SAMD4B: variants seen among roughly 807,000 people sequenced by gnomAD.
The protein encoded by SAMD4B is protein Smaug homolog 2.
A neutral mutation model predicts 74.5 loss-of-function variants in SAMD4B; 5 were observed. That is an observed-to-expected ratio of 0.07 (90% CI 0.04 to 0.14). The LOEUF (loss-of-function observed/expected upper bound fraction) is 0.14, where lower values mean the gene tolerates loss of function less well. SAMD4B is among the 10% of genes least tolerant of loss of function. SAMD4B has a pLI of 1.00. For synonymous variants in SAMD4B, 373 were observed against 374.9 expected (o/e 1.00, Z 0.06); for missense variants, 608 against 921.8 (o/e 0.66, Z 4.41).
At chr19:39,389,257 C>A (rs768337039), downstream of SAMD4B, 1 of 1,609,816 alleles carries the variant, frequency 6.2e-7, no homozygotes, top group Non-Finnish European at 8.5e-7. The surrounding 1 kb of genome is among the most constrained non-coding windows in gnomAD (Gnocchi z 5.3). Flanking sequence ...TCTCCACCTT[C>A]CCTCTCTTCC....
intron 1 of SAMD4B, among the ~76,000 whole-genome samples, chr19:39,353,713 T>C (rs1192718790): frequency 6.6e-6 from 1 of 152,190 alleles, no homozygotes; most frequent in Non-Finnish European, 1.5e-5. Context: ...GCGTTTCTCC[T>C]GCCTCAGCTT....
At chr19:39,343,480 G>A (rs1372701121) in intron 1 of SAMD4B, among the ~76,000 whole-genome samples, 1 of 93,048 alleles carries the variant, frequency 1.1e-5, no homozygotes, top group African/African-American at 4.5e-5. Context: ...CCTCCCCACC[G>A]TATTGCAACC....
intron 3 of SAMD4B, among the ~76,000 whole-genome samples, chr19:39,367,507 CTTTTTTTT>C (rs572713498): frequency 9.0e-6 from 1 of 110,806 alleles, no homozygotes; most frequent in East Asian, 2.4e-4. Flanking sequence ...TTTTCTTTTT[CTTTTTTTT>C]TTTTTTTTTT....
At chr19:39,382,543 G>A (rs1244588185) in intron 12 of SAMD4B, among the ~76,000 whole-genome samples, 3 of 152,154 alleles carry the variant, frequency 2.0e-5, no homozygotes, top group Admixed American at 1.3e-4. Flanking sequence ...GAGCTGGGTC[G>A]TCTAAATCCA....
intron 4 of SAMD4B, among the ~76,000 whole-genome samples, chr19:39,372,769 G>A (rs747471230): frequency 2.0e-5 from 3 of 152,066 alleles, no homozygotes; most frequent in Non-Finnish European, 2.9e-5. Context: ...GGCTGAGAAG[G>A]GAGAAAGAAG....
At chr19:39,361,564 C>T (rs981996096) in intron 3 of SAMD4B, among the ~76,000 whole-genome samples, 6 of 145,028 alleles carry the variant, frequency 4.1e-5, no homozygotes, top group African/African-American at 1.5e-4. Context: ...TGCAGTGAGC[C>T]GAGATTGCGC....
chr19:39,375,242 C>T lies in SAMD4B; in HGVS notation c.668-408C>T, dbSNP rs1178610436. Among the ~76,000 whole-genome samples the T allele has an allele frequency of 1.3e-5, 2 of 152,160 alleles. No homozygotes were observed. Among genetic ancestry groups the T allele is most frequent in the Admixed American group, 6.5e-5 (1 of 15,278 alleles). On this transcript the variant is annotated intron_variant, in intron 4 of 13. Transcript: ENST00000610417. The surrounding 1 kb of genome is among the most constrained non-coding windows in gnomAD (Gnocchi z 4.1). ...TGTGGAAGCATTTGTATTTTGTTCC[C>T]ACTATGAAAGGAAGTCACAGGGATT...
At chr19:39,365,962 A>G (rs1430720639) in intron 3 of SAMD4B, among the ~76,000 whole-genome samples, 7 of 152,086 alleles carry the variant, frequency 4.6e-5, no homozygotes, top group Non-Finnish European at 8.8e-5. Context: ...GCACTTTGGG[A>G]GGCTGAGGTG....
chr19:39,380,194 A>C lies in SAMD4B; in HGVS notation c.1649+110A>C, dbSNP rs115258904. On this transcript the variant is annotated intron_variant, in intron 10 of 13. Transcript: ENST00000610417. ...CTGGGCTGAGAATCTAGTTTTATTCAGTCACTGGGCGACTTTCCCAGAAGA... is the reference window on the plus strand; with the variant it reads ...CTGGGCTGAGAATCTAGTTTTATTCCGTCACTGGGCGACTTTCCCAGAAGA... The C allele has an allele frequency of 4.3e-3, 3,558 of 818,972 alleles. 98 individuals are homozygous for C. In the African/African-American group the frequency reaches 0.055, roughly 13 times the overall value. The allele number at this position is 818,972 out of a possible 1,614,324, so 50.7% of individuals were successfully genotyped here. A position where few individuals can be genotyped will look rare whatever the true frequency, so the allele number is the denominator to read the frequency against.
chr19:39,383,897 C>G lies in SAMD4B; in HGVS notation c.*370C>G. On this transcript the variant is annotated 3_prime_UTR_variant, in exon 14 of 14. Coordinates refer to ENST00000610417, the MANE Select transcript of SAMD4B (RefSeq NM_001384574.2). The surrounding 1 kb of genome is among the most constrained non-coding windows in gnomAD (Gnocchi z 4.1). ...AGGGAGCAGACTCCCCAGAGACAAA[C>G]TGACCACTACCTTGTGGAGCCTGCT... The G allele has an allele frequency of 1.6e-6, 1 of 607,600 alleles. No homozygotes were observed. Among genetic ancestry groups the G allele is most frequent in the Non-Finnish European group, 2.9e-6 (1 of 344,348 alleles). The allele number at this position is 607,600 out of a possible 1,614,324, so 37.6% of individuals were successfully genotyped here.
chr19:39,376,867 G>A (rs942996487), intron 7 of SAMD4B, 76 bp downstream of exon 7: 58 of 1,284,292 alleles, frequency 4.5e-5, no homozygotes, highest in Non-Finnish European at 5.6e-5. Flanking sequence ...CCCTGAGTTG[G>A]CCTCCAGACT....
At chr19:39,358,914 C>T (rs2076490562) in intron 3 of SAMD4B, among the ~76,000 whole-genome samples, 3 of 152,182 alleles carry the variant, frequency 2.0e-5, no homozygotes, top group Non-Finnish European at 2.9e-5. Flanking sequence ...AACAGTCACC[C>T]TTATTTTACT....
chr19:39,348,886 G>A (rs2075855068), intron 1 of SAMD4B, among the ~76,000 whole-genome samples: 1 of 152,176 alleles, frequency 6.6e-6, no homozygotes, highest in Non-Finnish European at 1.5e-5. Context: ...ATTAGAGAAA[G>A]AGAGGAATCT....
chr19:39,347,332 A>G (rs551836384), intron 1 of SAMD4B, among the ~76,000 whole-genome samples: 1 of 152,338 alleles, frequency 6.6e-6, no homozygotes, highest in South Asian at 2.1e-4. Flanking sequence ...TTCCTTGAAT[A>G]GATGTGAGAT....
At chr19:39,343,155 C>T (rs2075429067) in intron 1 of SAMD4B, among the ~76,000 whole-genome samples, 1 of 151,950 alleles carries the variant, frequency 6.6e-6, no homozygotes, top group Non-Finnish European at 1.5e-5. Flanking sequence ...AAGGCTCCCT[C>T]CGGACCCCTG....
chr19:39,381,322 T>C, intron 12 of SAMD4B: 1 of 542,760 alleles, frequency 1.8e-6, no homozygotes, highest in Non-Finnish European at 3.2e-6. Context: ...CCCCCACCCC[T>C]CTGAGTCATC....
At chr19:39,386,498 T>C (rs1177824580), downstream of SAMD4B, 22 of 1,614,174 alleles carry the variant, frequency 1.4e-5, no homozygotes, top group Non-Finnish European at 1.9e-5. The surrounding 1 kb of genome is among the most constrained non-coding windows in gnomAD (Gnocchi z 6.1). Context: ...CCCCAGCTTC[T>C]TTCTCTTCTG....
At chr19:39,390,025 C>A, downstream of SAMD4B, 1 of 1,483,584 alleles carries the variant, frequency 6.7e-7, no homozygotes, top group Non-Finnish European at 9.4e-7. Context: ...TCCCTGCCTT[C>A]AAGGAACTCA....
downstream of SAMD4B, chr19:39,387,200 G>GTT (rs1017927548): frequency 6.8e-6 from 3 of 439,366 alleles, no homozygotes; most frequent in Admixed American, 2.5e-5. Flanking sequence ...AGGCTACAAG[G>GTT]TTGTACAGCA....
Sources: gnomAD v4.1 joint callset for allele counts (sites outside exome capture counted in the v4.1 genomes callset) on GRCh38, gnomAD v4.1.1 for gene constraint, Gnocchi (gnomAD v3.1) non-coding constraint, MANE v1.5 for transcripts, NCBI Gene and HGNC (gene_info 2026-07-23, HGNC 2026-07-21) for gene names.